MCTP2: variants seen among roughly 807,000 people sequenced by gnomAD.
MCTP2 encodes multiple C2 and transmembrane domain containing 2, also known as multiple C2 and transmembrane domain-containing protein 2.
Under a neutral mutation model 111.6 loss-of-function variants are expected in MCTP2, and 132 were observed. The observed-to-expected ratio is 1.18, with a 90% CI of 1.03 to 1.37. The LOEUF (loss-of-function observed/expected upper bound fraction) is 1.37, where lower values mean the gene tolerates loss of function less well. Ranked by LOEUF, MCTP2 falls within the 40% of genes most tolerant of loss-of-function variation. MCTP2 has a pLI of 0.00. For synonymous variants in MCTP2, 395 were observed against 387.7 expected (o/e 1.02, Z -0.22); for missense variants, 1,183 against 1,067.9 (o/e 1.11, Z -1.50).
chr15:94,340,253 C>G lies in MCTP2; in HGVS notation c.835C>G (p.Leu279Val). ...TTTCATGGGTTCTGCATTTGTCATT[C>G]TCAGTGATCTTGAGCTTAACAGGTA... ...SDFMGSAFVI[L>V]SDLELNRTTE... is the part of the protein sequence containing the mutation. Residue 279 changes from leucine (L) to valine (V), a missense_variant, in exon 6 of 23, where the codon CTC becomes GTC. Physicochemically the swap from Leu to Val is conservative, Grantham distance 32 (BLOSUM62 1). Transcript: ENST00000357742. 6.2e-7 allele frequency: 1 copy of G among 1,612,580 alleles called. No individual in the cohort carries two copies. The highest frequency in any genetic ancestry group is 1.1e-5 in the South Asian group (1 of 91,040).
intron 4 of MCTP2, among the ~76,000 whole-genome samples, chr15:94,337,415 C>G (rs527722297): frequency 6.6e-6 from 1 of 152,190 alleles, no homozygotes; most frequent in African/African-American, 2.4e-5. Context: ...TTTGAGAGTA[C>G]GCTGACAAGC....
intron 1 of MCTP2, among the ~76,000 whole-genome samples, chr15:94,251,747 A>G (rs1383063835): frequency 6.6e-6 from 1 of 152,086 alleles, no homozygotes; most frequent in Admixed American, 6.5e-5. Flanking sequence ...TGAACTCTTC[A>G]TTTTGTGTAA....
chr15:94,345,446 G>A (rs1596419555), intron 8 of MCTP2, among the ~76,000 whole-genome samples: 1 of 152,188 alleles, frequency 6.6e-6, no homozygotes, highest in East Asian at 1.9e-4. Flanking sequence ...TTAGAGTTTA[G>A]CATGGTTAGA....
intron 17 of MCTP2, among the ~76,000 whole-genome samples, chr15:94,437,957 T>A (rs2083570692): frequency 6.6e-6 from 1 of 151,036 alleles, no homozygotes; most frequent in Non-Finnish European, 1.5e-5. Context: ...AAAAAAAAAA[T>A]TAAAAACAAC....
chr15:94,317,781 CT>C (rs1555451235), intron 4 of MCTP2, among the ~76,000 whole-genome samples: 1 of 151,972 alleles, frequency 6.6e-6, no homozygotes, highest in Non-Finnish European at 1.5e-5. Flanking sequence ...GAAGTATGTC[CT>C]TTTTTTTCTT....
intron 10 of MCTP2, among the ~76,000 whole-genome samples, chr15:94,367,260 C>G (rs1274298094): frequency 6.6e-6 from 1 of 152,182 alleles, no homozygotes; most frequent in Non-Finnish European, 1.5e-5. Context: ...AGCCATACAG[C>G]ATGCTTACTC....
At chr15:94,369,482 G>A (rs752157294) in intron 11 of MCTP2, among the ~76,000 whole-genome samples, 1 of 152,144 alleles carries the variant, frequency 6.6e-6, no homozygotes, top group South Asian at 2.1e-4. Context: ...TTAAGAATGA[G>A]CAGTAGATAC....
Position 94,401,899 on chromosome 15 carries a change from G to A in MCTP2, c.1966-1G>A. 1 of 1,603,322 alleles carries A rather than the reference G, an allele frequency of 6.2e-7. No individual in the cohort carries two copies. Among genetic ancestry groups the A allele is most frequent in the East Asian group, 2.2e-5 (1 of 44,670 alleles). ...TCCTGTTTGTCATTTTTTAAAATCA[G>A]ATCTTATCAAGAGATGTGGACCGTG... On this transcript the variant is annotated splice_acceptor_variant, in intron 16 of 22. Coordinates refer to ENST00000357742, the MANE Select transcript of MCTP2 (RefSeq NM_001385001.1). LOFTEE classifies it high-confidence loss of function.
chr15:94,319,113 T>G (rs1294808832), intron 4 of MCTP2, among the ~76,000 whole-genome samples: 3 of 152,292 alleles, frequency 2.0e-5, no homozygotes, highest in South Asian at 2.1e-4. Context: ...TTCAACATTT[T>G]TTATTTCATT....
intron 19 of MCTP2, among the ~76,000 whole-genome samples, chr15:94,457,431 A>C (rs1242186905): frequency 6.6e-6 from 1 of 152,210 alleles, no homozygotes; most frequent in Non-Finnish European, 1.5e-5. Context: ...ATTTCACATG[A>C]AGCATTGGAA....
intron 20 of MCTP2, among the ~76,000 whole-genome samples, chr15:94,467,047 T>TTTA (rs2152536616): frequency 6.6e-6 from 1 of 152,346 alleles, no homozygotes. Context: ...ATAGTGACTA[T>TTTA]ATGCCATATA....
chr15:94,465,786 A>G (rs190534853), intron 20 of MCTP2, among the ~76,000 whole-genome samples: 290 of 139,622 alleles, frequency 2.1e-3, no homozygotes, highest in Non-Finnish European at 3.8e-3. Context: ...TTTCTTCTGT[A>G]TCTTTCCTCC....
chr15:94,315,659 G>A (rs780765420), intron 4 of MCTP2, 22 bp downstream of exon 4: 4 of 1,568,882 alleles, frequency 2.5e-6, no homozygotes, highest in Non-Finnish European at 3.5e-6. Context: ...GTCTGTTATG[G>A]TGGGTGTAGC....
At chr15:94,399,900 T>A (rs767553485) in intron 15 of MCTP2, 21 bp from the exon 16 acceptor site, 1 of 1,611,560 alleles carries the variant, frequency 6.2e-7, no homozygotes, top group South Asian at 1.1e-5. Flanking sequence ...TGCCCTTTTT[T>A]AACAAGGATG....
intron 1 of MCTP2, among the ~76,000 whole-genome samples, chr15:94,261,006 C>T (rs1008742194): frequency 6.6e-6 from 1 of 152,256 alleles, no homozygotes; most frequent in African/African-American, 2.4e-5. Context: ...GTGTCCACAA[C>T]CTTTTATCAT....
At chr15:94,305,328 T>C (rs2075827788) in intron 2 of MCTP2, among the ~76,000 whole-genome samples, 1 of 152,184 alleles carries the variant, frequency 6.6e-6, no homozygotes, top group Non-Finnish European at 1.5e-5. Flanking sequence ...TATTTTGTTA[T>C]AGTCGCCTGA....
At chr15:94,275,974 G>T (rs1439075193) in intron 1 of MCTP2, among the ~76,000 whole-genome samples, 1 of 151,150 alleles carries the variant, frequency 6.6e-6, no homozygotes, top group East Asian at 2.0e-4. Context: ...TCAGCCTCCT[G>T]AGTAGCTGGG....
chr15:94,252,632 A>ATTTT (rs201850560), intron 1 of MCTP2, among the ~76,000 whole-genome samples: 170 of 146,666 alleles, frequency 1.2e-3, no homozygotes, highest in African/African-American at 4.0e-3. Context: ...TGGTTTACAG[A>ATTTT]TTTTTTTTTT....
rs985706609 is a variant in MCTP2 at position 94,249,847 on chromosome 15, C to A, written c.-66+18183C>A. Reference sequence around the variant, plus strand: ...TCATGAGTTGATCTGAGCTGGTCACCAGAAACCTAGTTGTCATCCAAGACT... The same window carrying A: ...TCATGAGTTGATCTGAGCTGGTCACAAGAAACCTAGTTGTCATCCAAGACT... On this transcript the variant is annotated intron_variant, in intron 1 of 22. Coordinates refer to ENST00000357742, the MANE Select transcript of MCTP2 (RefSeq NM_001385001.1). 2.6e-5 allele frequency among the ~76,000 whole-genome samples: 4 copies of A among 152,206 alleles called. No homozygotes were observed. The South Asian group carries it at 6.2e-4, about 24-fold the overall frequency.
Sources: allele counts gnomAD v4.1 joint callset (sites outside exome capture counted in the v4.1 genomes callset), GRCh38; gene constraint gnomAD v4.1.1; transcripts MANE v1.5; gene names NCBI Gene and HGNC (gene_info 2026-07-23, HGNC 2026-07-21).